Variants in GLT1D1 observed in about 807,000 individuals in gnomAD.
The protein encoded by GLT1D1 is glycosyltransferase 1 domain containing 1.
Under a neutral mutation model 28.7 loss-of-function variants are expected in GLT1D1, and 21 were observed. The observed-to-expected ratio is 0.73, with a 90% confidence interval of 0.52 to 1.05. The LOEUF is 1.05. Among genes scored for constraint, GLT1D1 ranks in the 50% least tolerant of loss-of-function variants. The pLI is 0.00. For missense variants in GLT1D1, 343 were observed against 330.6 expected, an observed-to-expected ratio of 1.04 and a Z score of -0.29; for synonymous variants, 147 against 124.8, an observed-to-expected ratio of 1.18 and a Z score of -1.19.
At chr12:128,969,035 CCTCT>C (rs1475640900) in intron 7 of GLT1D1, among the ~76,000 whole-genome samples, 6 of 151,944 alleles carry the variant, frequency 3.9e-5, no homozygotes, top group South Asian at 2.1e-4. Context: ...CTCCTCTCTC[CCTCT>C]GTCTTTTTCT....
chr12:128,949,115 A>G, intron 6 of GLT1D1, among the ~76,000 whole-genome samples: 1 of 152,218 alleles, frequency 6.6e-6, no homozygotes, highest in South Asian at 2.1e-4. Context: ...TTAAAAGTGT[A>G]TATGCTTATG....
At chr12:128,969,971 T>G (rs902673487) in intron 7 of GLT1D1, among the ~76,000 whole-genome samples, 1 of 152,152 alleles carries the variant, frequency 6.6e-6, no homozygotes, top group Non-Finnish European at 1.5e-5. Flanking sequence ...CCCCTGCCTC[T>G]GCCTGTGTGC....
At chr12:128,944,688 C>T in intron 4 of GLT1D1, 1 of 692,236 alleles carries the variant, frequency 1.4e-6, no homozygotes, top group Non-Finnish European at 2.7e-6. Flanking sequence ...AACTATCCAA[C>T]AGCTAGACTG....
intron 4 of GLT1D1, among the ~76,000 whole-genome samples, chr12:128,936,156 C>CT (rs34046835): frequency 0.73 from 100,993 of 138,726 alleles, 38,042 homozygotes; most frequent in Non-Finnish European, 0.83. Flanking sequence ...AATAAAATAT[C>CT]TTTTTTTTTT....
chr12:128,866,696 T>C (rs183686065), intron 1 of GLT1D1, among the ~76,000 whole-genome samples: 12 of 151,480 alleles, frequency 7.9e-5, no homozygotes, highest in African/African-American at 2.9e-4. Flanking sequence ...TCTTAGCTCA[T>C]TGCAACCTCC....
In GLT1D1 at chr12:128,978,294, T is replaced by C. The variant is rs559784842; in HGVS notation, c.640-4635T>C. On this transcript the variant is annotated intron_variant, in intron 7 of 7. Transcript: ENST00000281703. ...CCTCAGGGACACTCAGGTCTGCAAG[T>C]CCTGCTGTGTAGCTCTCCAGTGCAT... is the stretch of plus-strand genomic sequence containing the variant. 1.2e-4 allele frequency among the ~76,000 whole-genome samples: 19 copies of C among 152,246 alleles called. 1 individual carries two copies. Among genetic ancestry groups the C allele is most frequent in the African/African-American group, 3.6e-4 (15 of 41,566 alleles).
In GLT1D1 at chr12:128,921,623, T is replaced by C. The variant is rs12301459; in HGVS notation, c.375+22336T>C. Among the ~76,000 whole-genome samples the C allele has an allele frequency of 7.3e-3, 1,111 of 152,132 alleles. 16 individuals are homozygous for C. The highest frequency in any genetic ancestry group is 0.026 in the African/African-American group (1,063 of 41,514). The stretch of plus-strand genomic sequence containing the variant: ...CAATATTGTATCTTATGGATTATTC[T>C]CTTCTCAGGGCCATCTTTCCAAGGG... On this transcript the variant is annotated intron_variant, in intron 4 of 7. Transcript: ENST00000281703.
chr12:128,965,221 G>A (rs931522554), intron 7 of GLT1D1, among the ~76,000 whole-genome samples: 1 of 152,270 alleles, frequency 6.6e-6, no homozygotes, highest in East Asian at 1.9e-4. Context: ...GTCAAGGACA[G>A]AAGAATTCAG....
intron 4 of GLT1D1, among the ~76,000 whole-genome samples, chr12:128,937,155 T>A (rs929006122): frequency 1.1e-4 from 16 of 152,344 alleles, no homozygotes; most frequent in Middle Eastern, 3.4e-3. Flanking sequence ...AAAATACTCA[T>A]AAAATGTGAT....
intron 1 of GLT1D1, among the ~76,000 whole-genome samples, chr12:128,857,704 G>A (rs1159646578): frequency 6.6e-6 from 1 of 152,174 alleles, no homozygotes; most frequent in Non-Finnish European, 1.5e-5. Context: ...TGGTGAAGGA[G>A]TTCCCCAAAT....
chr12:128,897,791 C>T (rs1023177356), intron 3 of GLT1D1, among the ~76,000 whole-genome samples: 1 of 152,136 alleles, frequency 6.6e-6, no homozygotes, highest in African/African-American at 2.4e-5. Flanking sequence ...GCCTCAGCCT[C>T]CCGAGTAGCT....
At chr12:128,970,479 C>T (rs931659865) in intron 7 of GLT1D1, among the ~76,000 whole-genome samples, 3 of 152,240 alleles carry the variant, frequency 2.0e-5, no homozygotes, top group South Asian at 2.1e-4. Context: ...ACTCCCTCCC[C>T]GCAGCCACAG....
chr12:128,867,541 T>C (rs1956574908), intron 1 of GLT1D1, among the ~76,000 whole-genome samples: 1 of 151,928 alleles, frequency 6.6e-6, no homozygotes, highest in South Asian at 2.1e-4. Context: ...GCAGGTGCGC[T>C]TGGTCACTGA....
chr12:128,977,772 CTTTTTTCT>C (rs1175540173), intron 7 of GLT1D1, among the ~76,000 whole-genome samples: 2 of 26,114 alleles, frequency 7.7e-5, no homozygotes, highest in African/African-American at 1.9e-4. Flanking sequence ...TTTCTTTTTT[CTTTTTTCT>C]TTTTTTTTTT....
intron 6 of GLT1D1, among the ~76,000 whole-genome samples, chr12:128,947,822 C>T (rs184191144): frequency 1.3e-5 from 2 of 152,156 alleles, no homozygotes; most frequent in Non-Finnish European, 2.9e-5. Context: ...TTGATCTTTT[C>T]TCTTTCTTTT....
At chr12:128,869,061 G>A (rs1002087442) in intron 1 of GLT1D1, among the ~76,000 whole-genome samples, 1 of 152,174 alleles carries the variant, frequency 6.6e-6, no homozygotes, top group Non-Finnish European at 1.5e-5. Flanking sequence ...TAGAGACGGG[G>A]TTTCTCCATG....
chr12:128,960,911 A>T (rs1877878804), intron 7 of GLT1D1, among the ~76,000 whole-genome samples: 1 of 152,216 alleles, frequency 6.6e-6, no homozygotes, highest in South Asian at 2.1e-4. Flanking sequence ...TCAATGCTAA[A>T]TGTGCAGTTA....
chr12:128,934,095 A>T (rs1446918072), intron 4 of GLT1D1, among the ~76,000 whole-genome samples: 3 of 151,274 alleles, frequency 2.0e-5, no homozygotes, highest in Admixed American at 1.3e-4. Flanking sequence ...CACACCCTTT[A>T]GGTATCAGCT....
chr12:128,860,125 A>G (rs769748801), intron 1 of GLT1D1, among the ~76,000 whole-genome samples: 5 of 152,232 alleles, frequency 3.3e-5, no homozygotes, highest in Non-Finnish European at 5.9e-5. Flanking sequence ...GCAATGTAAC[A>G]TTAGCAACCC....
Sources: gnomAD v4.1 joint callset for allele counts (sites outside exome capture counted in the v4.1 genomes callset) on GRCh38, gnomAD v4.1.1 for gene constraint, MANE v1.5 for transcripts, NCBI Gene and HGNC (gene_info 2026-07-23, HGNC 2026-07-21) for gene names.